Variants in GPC3 observed in about 807,000 individuals in gnomAD.
GPC3 encodes glypican 3.
A neutral mutation model predicts 34.4 loss-of-function variants in GPC3; 3 were observed. That is an observed-to-expected ratio of 0.09 (90% CI 0.04 to 0.23). The LOEUF is 0.23. Ranked by LOEUF, GPC3 falls within the 10% of genes least tolerant of loss-of-function variation. The pLI, the probability that GPC3 is intolerant of heterozygous loss-of-function variation, is 1.00. For missense variants in GPC3, 351 were observed against 445.6 expected (o/e 0.79, Z 1.91); for synonymous variants, 177 against 174.0 (o/e 1.02, Z -0.13).
At position 133,716,148 on chromosome X, in the gene GPC3, C is replaced by T. The variant is rs777263944; in HGVS notation, c.1033-16120G>A. On this transcript the variant is annotated intron_variant, in intron 3 of 7. Coordinates refer to ENST00000370818, the MANE Select transcript of GPC3 (RefSeq NM_004484.4). The stretch of plus-strand genomic sequence containing the variant: ...AAAAGTGACAAAGAAATAAGAACTA[C>T]CACCACAATAACAAACACCAACAAC... 3.6e-5 allele frequency among the ~76,000 whole-genome samples: 4 copies of T among 112,294 alleles called. No individual in the cohort carries two copies. In the South Asian group the frequency reaches 1.5e-3, roughly 42 times the overall value.
At chrX:133,897,205 CTTTTT>C (rs760491025) in intron 2 of GPC3, among the ~76,000 whole-genome samples, 1 of 82,652 alleles carries the variant, frequency 1.2e-5, no homozygotes, top group Admixed American at 1.3e-4. Flanking sequence ...CGTGCCCGGC[CTTTTT>C]TTTTTTTTTT....
chrX:133,805,330 T>C (rs945350745), intron 2 of GPC3, among the ~76,000 whole-genome samples: 1 of 111,672 alleles, frequency 9.0e-6, no homozygotes, highest in African/African-American at 3.3e-5. Flanking sequence ...ACAAAGGTTG[T>C]GTCCTGGAAC....
In GPC3 at chrX:133,956,376, G is replaced by T. The variant is rs1412996288; in HGVS notation, c.176-3165C>A. Among the ~76,000 whole-genome samples, 4 of 112,314 alleles carry T rather than the reference G, an allele frequency of 3.6e-5. No individual in the cohort carries two copies. The East Asian group carries it at 1.1e-3, about 31-fold the overall frequency. ...TTCTTACTACATGAAGTTACAAAAT[G>T]TAATGCTATTCTAGGAATAGGAACT... On this transcript the variant is annotated intron_variant, in intron 1 of 7. Transcript: ENST00000370818.
At chrX:133,944,223 T>C (rs2076357840) in intron 2 of GPC3, among the ~76,000 whole-genome samples, 1 of 111,475 alleles carries the variant, frequency 9.0e-6, no homozygotes, top group Non-Finnish European at 1.9e-5. Flanking sequence ...AGGATACCCA[T>C]GTTAATCAAA....
intron 2 of GPC3, among the ~76,000 whole-genome samples, chrX:133,815,130 G>C (rs2075683995): frequency 9.2e-6 from 1 of 108,511 alleles, no homozygotes; most frequent in African/African-American, 3.4e-5. Context: ...CACAGGGAGG[G>C]GGAAGCAGGA....
At chrX:133,859,379 C>T (rs2075924495) in intron 2 of GPC3, among the ~76,000 whole-genome samples, 2 of 111,131 alleles carry the variant, frequency 1.8e-5, no homozygotes, top group South Asian at 7.7e-4. Context: ...TGGAGTGAAG[C>T]AATTCCAGAC....
chrX:133,855,520 G>A (rs1196727549), intron 2 of GPC3, among the ~76,000 whole-genome samples: 4 of 72,640 alleles, frequency 5.5e-5, no homozygotes, highest in Non-Finnish European at 7.8e-5. Context: ...TATACAATAT[G>A]CTGTTACAAG....
intron 2 of GPC3, among the ~76,000 whole-genome samples, chrX:133,823,159 A>C (rs59294418): frequency 2.0e-5 from 2 of 101,956 alleles, no homozygotes; most frequent in African/African-American, 3.7e-5. Flanking sequence ...AAAAAAAAAA[A>C]AAAAAAACTG....
intron 3 of GPC3, among the ~76,000 whole-genome samples, chrX:133,722,682 G>C: frequency 8.9e-6 from 1 of 111,876 alleles, no homozygotes; most frequent in South Asian, 3.8e-4. Flanking sequence ...AATCCGATTA[G>C]CCACAGTCCA....
intron 3 of GPC3, among the ~76,000 whole-genome samples, chrX:133,732,051 T>G: frequency 8.9e-6 from 1 of 112,092 alleles, no homozygotes; most frequent in South Asian, 3.7e-4. Flanking sequence ...TGGCTAATAC[T>G]TAAGCTGGGA....
intron 2 of GPC3, among the ~76,000 whole-genome samples, chrX:133,897,128 G>A (rs188991112): frequency 9.3e-6 from 1 of 107,213 alleles, no homozygotes; most frequent in East Asian, 2.9e-4. Context: ...GGATGGTCTC[G>A]ATCTCCGGAC....
At chrX:133,981,505 A>T (rs1239995194) in intron 1 of GPC3, among the ~76,000 whole-genome samples, 1 of 112,379 alleles carries the variant, frequency 8.9e-6, no homozygotes, top group Non-Finnish European at 1.9e-5. Context: ...CATTTGAAAG[A>T]ATTCTCTAAC....
At chrX:133,632,209 C>T (rs2070374949) in intron 6 of GPC3, among the ~76,000 whole-genome samples, 1 of 111,580 alleles carries the variant, frequency 9.0e-6, no homozygotes, top group South Asian at 3.8e-4. Context: ...AACTGATTCT[C>T]ATGTCTCAGC....
intron 6 of GPC3, among the ~76,000 whole-genome samples, chrX:133,612,319 A>T (rs924749786): frequency 3.6e-5 from 4 of 112,195 alleles, no homozygotes; most frequent in African/African-American, 1.3e-4. Context: ...CCTTAGAAAT[A>T]TTATCTTGCT....
At chrX:133,962,596 G>A (rs1421828758) in intron 1 of GPC3, among the ~76,000 whole-genome samples, 1 of 112,035 alleles carries the variant, frequency 8.9e-6, no homozygotes, top group African/African-American at 3.2e-5. Flanking sequence ...TGCCAGCTAT[G>A]CTGGAGTTGG....
At chrX:133,790,855 G>T (rs1326712120) in intron 2 of GPC3, among the ~76,000 whole-genome samples, 1 of 111,767 alleles carries the variant, frequency 8.9e-6, no homozygotes, top group Non-Finnish European at 1.9e-5. Context: ...GAAAGATCCT[G>T]AGCACAGTAT....
chrX:133,784,191 A>G (rs1311334072), intron 2 of GPC3, among the ~76,000 whole-genome samples: 3 of 111,811 alleles, frequency 2.7e-5, no homozygotes, highest in Non-Finnish European at 5.6e-5. Context: ...AGACCTCACT[A>G]TCAATTTGTG....
At chrX:133,799,445 A>C (rs375243355) in intron 2 of GPC3, among the ~76,000 whole-genome samples, 3 of 111,159 alleles carry the variant, frequency 2.7e-5, no homozygotes, top group South Asian at 7.9e-4. Context: ...TAAATCCACC[A>C]TCAGGACAAA....
At chrX:133,914,935 C>A (rs1231337208) in intron 2 of GPC3, among the ~76,000 whole-genome samples, 1 of 58,105 alleles carries the variant, frequency 1.7e-5, no homozygotes, top group Non-Finnish European at 2.9e-5. Flanking sequence ...ATTTTTTCAT[C>A]AAACTGGAAA....
Sources: allele counts gnomAD v4.1 joint callset (sites outside exome capture counted in the v4.1 genomes callset), GRCh38; gene constraint gnomAD v4.1.1; transcripts MANE v1.5; gene names NCBI Gene and HGNC (gene_info 2026-07-23, HGNC 2026-07-21).